The following PRPF31 variants were observed in gnomAD, a reference collection of about 807,000 sequenced individuals.
PRPF31 encodes the protein pre-mRNA processing factor 31, also known as U4/U6 small nuclear ribonucleoprotein Prp31.
PRPF31 carries 12 observed loss-of-function variants against 60.4 expected under a neutral mutation model. The observed-to-expected ratio is 0.20, with a 90% CI of 0.13 to 0.32. PRPF31 has a LOEUF of 0.32. PRPF31 is among the 10% of genes least tolerant of loss of function. The pLI is 1.00. For synonymous variants in PRPF31, 287 were observed against 287.9 expected (o/e 1.00, Z 0.03); for missense variants, 431 against 687.1 (o/e 0.63, Z 4.17).
In PRPF31 at chr19:54,123,571, T is replaced by C. The variant is rs760087268; in HGVS notation, c.527+11T>C. On this transcript the variant is annotated intron_variant, in intron 6 of 13. Coordinates refer to ENST00000321030, the MANE Select transcript of PRPF31 (RefSeq NM_015629.4). The stretch of plus-strand genomic sequence containing the variant: ...CTCCACCACCCAGGGGTATGTCCGC[T>C]TCGAGGGAGGCGCCGGGCCCTAATG... 1 of 1,613,510 alleles carries C rather than the reference T, an allele frequency of 6.2e-7. No homozygotes were observed. The highest frequency in any genetic ancestry group is 1.1e-5 in the South Asian group (1 of 91,068).
intron 10 of PRPF31, 23 bp from the exon 11 acceptor site, chr19:54,128,282 G>A (rs1020301607): frequency 6.4e-6 from 10 of 1,550,686 alleles, no homozygotes; most frequent in Admixed American, 3.9e-5. Context: ...ACTCCCTGGC[G>A]CCGCCCACCC....
intron 5 of PRPF31, 134 bp from the exon 6 acceptor site, chr19:54,123,320 G>T: frequency 1.3e-6 from 1 of 760,618 alleles, no homozygotes; most frequent in East Asian, 2.5e-5. Context: ...GGTGGAGGCA[G>T]GAGAGGCCCC....
At chr19:54,119,446 C>G (rs16985370) in intron 3 of PRPF31, 20,612 of 151,230 alleles carry the variant, frequency 0.14, 1,470 homozygotes, top group Admixed American at 0.19. Flanking sequence ...TAGCTTATCT[C>G]ATGAGTGCTC....
At chr19:54,122,903 G>A (rs1600338361) in intron 5 of PRPF31, 1 of 536,878 alleles carries the variant, frequency 1.9e-6, no homozygotes, top group Non-Finnish European at 3.4e-6. Flanking sequence ...ACGGAGATTT[G>A]GGGGAGAGAG....
intron 4 of PRPF31, chr19:54,122,204 C>T (rs926103817): frequency 6.4e-6 from 4 of 624,368 alleles, no homozygotes; most frequent in African/African-American, 1.8e-5. Context: ...ACCTGCCTCA[C>T]GGTGCGAGGT....
chr19:54,130,557 GGAGCTTGCAGT>G (rs2074027395), intron 13 of PRPF31, among the ~76,000 whole-genome samples: 1 of 151,892 alleles, frequency 6.6e-6, no homozygotes, highest in Admixed American at 6.6e-5. Context: ...CCCGGGAGGC[GGAGCTTGCAGT>G]GAGCCGAGAT....
intron 1 of PRPF31, among the ~76,000 whole-genome samples, chr19:54,117,184 G>C (rs917441736): frequency 6.6e-6 from 1 of 152,186 alleles, no homozygotes; most frequent in South Asian, 2.1e-4. Flanking sequence ...GAGGCGGGAA[G>C]AGACCGATAA....
At chr19:54,126,357 C>T in intron 8 of PRPF31, 171 bp from the exon 9 acceptor site, 3 of 683,022 alleles carry the variant, frequency 4.4e-6, no homozygotes, top group East Asian at 5.4e-5. Flanking sequence ...TGCCCTCATC[C>T]CCTCTTCCTG....
In PRPF31 at chr19:54,121,956, G is replaced by A; in HGVS notation, c.322+13G>A. The stretch of plus-strand genomic sequence containing the variant: ...GAAAACGAGCTGAGTGAGTGCTGGG[G>A]GGCAGGCGGAGACAGCCCCGTGTGA... On this transcript the variant is annotated intron_variant, in intron 4 of 13. Coordinates refer to ENST00000321030, the MANE Select transcript of PRPF31 (RefSeq NM_015629.4). 6.2e-7 allele frequency: 1 copy of A among 1,607,730 alleles called. No homozygotes were observed. The highest frequency in any genetic ancestry group is 8.5e-7 in the Non-Finnish European group (1 of 1,177,242).
chr19:54,124,129 G>A, intron 7 of PRPF31: 1 of 1,087,544 alleles, frequency 9.2e-7, no homozygotes, highest in Non-Finnish European at 1.3e-6. Flanking sequence ...CCTCCCCTGT[G>A]CCGGAAACCC....
rs1298541740 is a variant in PRPF31 at position 54,129,069 on chromosome 19, G to A, written c.1159G>A (p.Ala387Thr). 1.3e-6 allele frequency: 2 copies of A among 1,574,542 alleles called. No individual in the cohort carries two copies. The highest frequency in any genetic ancestry group is 1.7e-6 in the Non-Finnish European group (2 of 1,160,970). The change falls in exon 12 of 14, where the codon GCC becomes ACC. Residue 387 changes from alanine to threonine, a missense_variant. Physicochemically the swap from Ala to Thr is moderately conservative, Grantham distance 58 (BLOSUM62 0). This residue lies in a region of PRPF31 where 314 missense variants were observed against 475.3 expected (regional missense o/e 0.66). Coordinates refer to ENST00000321030, the MANE Select transcript of PRPF31 (RefSeq NM_015629.4). ...RMSFGEIEED[A>T]YQEDLGFSLG... ...CTCTCCCCCCTAGATCGAGGAGGAC[G>A]CCTACCAGGAGGACCTGGGATTCAG...
Position 54,129,025 on chromosome 19 carries a change from C to A in PRPF31, c.1147-32C>A, listed in dbSNP as rs368621089. The A allele has an allele frequency of 7.8e-5, 121 of 1,559,082 alleles. No individual in the cohort carries two copies. The African/African-American group carries it at 1.4e-3, about 18-fold the overall frequency. On this transcript the variant is annotated intron_variant, in intron 11 of 13. Transcript: ENST00000321030. ...GTGGCTGGAGGGCAGGGCCTGGTCG[C>A]TGAACTGCAGGGCGCCTCCTCTCCC... is the stretch of plus-strand genomic sequence containing the variant.
At chr19:54,122,847 C>T (rs367873568) in intron 5 of PRPF31, 18 of 594,412 alleles carry the variant, frequency 3.0e-5, no homozygotes, top group East Asian at 2.0e-4. Context: ...TGGTTGGAGC[C>T]GGTGGCATTG....
At chr19:54,123,691 G>A in intron 6 of PRPF31, 58 bp from the exon 7 acceptor site, 1 of 1,592,906 alleles carries the variant, frequency 6.3e-7, no homozygotes, top group Non-Finnish European at 8.5e-7. Context: ...AGAGGGCTGG[G>A]GCTGGGCACA....
chr19:54,123,053 C>T (rs1237817569), intron 5 of PRPF31: 2 of 449,692 alleles, frequency 4.4e-6, no homozygotes, highest in Non-Finnish European at 8.2e-6. Context: ...AAAAGAGGGG[C>T]AGGTGTGCGT....
In PRPF31 at chr19:54,128,951, C is replaced by G. The variant is rs940126524; in HGVS notation, c.1147-106C>G. 1.2e-5 allele frequency: 15 copies of G among 1,225,378 alleles called. No homozygotes were observed. The Admixed American group carries it at 3.0e-4, about 24-fold the overall frequency. 75.9% of individuals were successfully genotyped at this position (1,225,378 alleles called of 1,614,324 possible). On this transcript the variant is annotated intron_variant, in intron 11 of 13. Transcript: ENST00000321030. ...GTACCGGAGCAGGTGCCCGTGGGAC[C>G]GGCCGGCTGGTGACCGCTGGGCTTC...
At chr19:54,122,397 G>A (rs1263249003) in intron 4 of PRPF31, 100 bp from the exon 5 acceptor site, 1 of 911,486 alleles carries the variant, frequency 1.1e-6, no homozygotes, top group Non-Finnish European at 1.9e-6. Context: ...ACAAGCCAGG[G>A]CTTCAGTTAC....
chr19:54,123,806 G>A lies in PRPF31; in HGVS notation c.585G>A (p.Leu195=), dbSNP rs767573522. Residue 195 remains leucine (L), a synonymous_variant, in exon 7 of 14, where the codon CTG becomes CTA. Coordinates refer to ENST00000321030, the MANE Select transcript of PRPF31 (RefSeq NM_015629.4). ...ERLEEACDMA[L]ELNASKHRIY... Reference sequence around the variant, plus strand: ...TGGAGGAGGCCTGCGACATGGCGCTGGAGCTGAACGCCTCCAAGCACCGCA... The same window carrying A: ...TGGAGGAGGCCTGCGACATGGCGCTAGAGCTGAACGCCTCCAAGCACCGCA... 4 of 1,613,208 alleles carry A rather than the reference G, an allele frequency of 2.5e-6. No homozygotes were observed. The South Asian group carries it at 4.4e-5, about 18-fold the overall frequency.
chr19:54,128,215 G>T lies in PRPF31; in HGVS notation c.1073+15G>T. ...GGCGGCCGCAGGTGAGGGGCCCTGG[G>T]GGTCCGGTAGGCATGGGGGTCATGG... is the stretch of plus-strand genomic sequence containing the variant. On this transcript the variant is annotated intron_variant, in intron 10 of 13. Coordinates refer to ENST00000321030, the MANE Select transcript of PRPF31 (RefSeq NM_015629.4). 6.4e-7 allele frequency: 1 copy of T among 1,569,370 alleles called. No homozygotes were observed. Among genetic ancestry groups the T allele is most frequent in the Non-Finnish European group, 8.6e-7 (1 of 1,159,210 alleles).
Sources: gnomAD v4.1 joint callset for allele counts (sites outside exome capture counted in the v4.1 genomes callset) on GRCh38, gnomAD v4.1.1 for gene constraint, gnomAD v4.1.1 regional missense constraint, MANE v1.5 for transcripts, NCBI Gene and HGNC (gene_info 2026-07-23, HGNC 2026-07-21) for gene names.